Variants in COL13A1 observed in about 807,000 individuals in gnomAD.
COL13A1 encodes collagen alpha-1(XIII) chain.
In COL13A1, 89 loss-of-function variants were observed where a neutral mutation model predicts 130.9. The observed-to-expected ratio is 0.68, with a 90% CI of 0.57 to 0.81. COL13A1 has a LOEUF of 0.81. COL13A1 is among the 30% of genes least tolerant of loss of function. The probability of loss-of-function intolerance (pLI) is 0.00; values close to 1 mark genes in which losing one functional copy is unlikely to be tolerated. For missense variants in COL13A1, 879 were observed against 934.6 expected (o/e 0.94, Z 0.78); for synonymous variants, 402 against 341.6 (o/e 1.18, Z -1.95).
At chr10:69,826,228 C>T (rs954537043) in intron 2 of COL13A1, among the ~76,000 whole-genome samples, 5 of 152,176 alleles carry the variant, frequency 3.3e-5, no homozygotes, top group African/African-American at 1.2e-4. Context: ...CTGGGTGGGG[C>T]TGGCCTGTGT....
chr10:69,810,162 C>G (rs1441143810), intron 1 of COL13A1, among the ~76,000 whole-genome samples: 1 of 152,166 alleles, frequency 6.6e-6, no homozygotes, highest in African/African-American at 2.4e-5. Flanking sequence ...CAGATGTCCT[C>G]AAAGGCTTGC....
chr10:69,949,946 G>GTGTGTGTT (rs2069164772), intron 38 of COL13A1, among the ~76,000 whole-genome samples: 1 of 144,442 alleles, frequency 6.9e-6, no homozygotes, highest in Non-Finnish European at 1.6e-5. Flanking sequence ...GTGTGTGTGT[G>GTGTGTGTT]TGCGTGTGTT....
intron 2 of COL13A1, among the ~76,000 whole-genome samples, chr10:69,836,474 T>C (rs1405931118): frequency 6.6e-6 from 1 of 152,100 alleles, no homozygotes; most frequent in Non-Finnish European, 1.5e-5. Context: ...TGAGAGGCCC[T>C]CCTACCATGC....
chr10:69,957,005 G>A lies in COL13A1; in HGVS notation c.2147G>A (p.Gly716Asp), dbSNP rs1410653353. The stretch of plus-strand genomic sequence containing the variant: ...CTCTGCCTTCCTTTCTCCTTGCAGG[G>A]CGAAGATGGCTTACCAGTCCAAGGC... The part of the protein sequence containing the change: ...APGLDAPCPL[G>D]EDGLPVQGCW... The change falls in exon 40 of 41, where the codon GGC becomes GAC. Residue 716 changes from glycine (G) to aspartate (D), a missense_variant and splice_region_variant. Around this residue, in one of 3 missense-constraint regions of COL13A1, gnomAD observed 68 missense variants for 65.8 expected, o/e 1.03. Transcript: ENST00000645393. 2.5e-6 allele frequency: 4 copies of A among 1,613,728 alleles called. No homozygotes were observed. The highest frequency in any genetic ancestry group is 1.7e-5 in the Admixed American group (1 of 60,016).
chr10:69,829,782 G>A (rs1317695688), intron 2 of COL13A1, among the ~76,000 whole-genome samples: 2 of 152,232 alleles, frequency 1.3e-5, no homozygotes, highest in East Asian at 3.8e-4. Context: ...GGGAGACCAG[G>A]TGCTGCGCGG....
intron 3 of COL13A1, 70 bp from the exon 4 acceptor site, chr10:69,872,114 T>G: frequency 1.8e-4 from 286 of 1,580,030 alleles, no homozygotes; most frequent in Non-Finnish European, 2.2e-4. Context: ...CACAGCTGGT[T>G]GAGACAGTGT....
At position 69,829,208 on chromosome 10, in the gene COL13A1, A is replaced by G. The variant is rs557946472; in HGVS notation, c.364+6770A>G. On this transcript the variant is annotated intron_variant, in intron 2 of 40. Transcript: ENST00000645393. The stretch of plus-strand genomic sequence containing the variant: ...TCATCCCACTCTGTCAATTTCCTCC[A>G]CCTCCACCGTCATCACCCTTGTTCA... The G allele has an allele frequency of 2.3e-4, 229 of 984,290 alleles. 1 individual carries two copies. In the African/African-American group the frequency reaches 3.7e-3, roughly 16 times the overall value. 61.0% of individuals were successfully genotyped at this position (984,290 alleles called of 1,614,324 possible).
At chr10:69,938,609 G>T (rs2067242679) in intron 34 of COL13A1, among the ~76,000 whole-genome samples, 1 of 152,134 alleles carries the variant, frequency 6.6e-6, no homozygotes, top group South Asian at 2.1e-4. Flanking sequence ...TCTGTCCTGG[G>T]CTCAAGGCCA....
Position 69,923,791 on chromosome 10 carries a change from C to T in COL13A1, c.1231-11C>T. 1 of 1,608,382 alleles carries T rather than the reference C, an allele frequency of 6.2e-7. No homozygotes were observed. Among genetic ancestry groups the T allele is most frequent in the South Asian group, 1.1e-5 (1 of 89,272 alleles). ...AGCATGCCCTCATCCCAACTCTCTC[C>T]TCTTCCCCAGGGAGAAGCAGGTGTC... On this transcript the variant is annotated splice_polypyrimidine_tract_variant and intron_variant, in intron 23 of 40. Coordinates refer to ENST00000645393, the MANE Select transcript of COL13A1 (RefSeq NM_001368882.1).
At chr10:69,862,567 C>T (rs1027514755) in intron 2 of COL13A1, among the ~76,000 whole-genome samples, 1 of 152,200 alleles carries the variant, frequency 6.6e-6, no homozygotes, top group African/African-American at 2.4e-5. Context: ...TGCCTTAAAG[C>T]TCACCAGTGT....
Position 69,872,205 on chromosome 10 carries a change from C to T in COL13A1, c.394C>T (p.Leu132Phe). ...GPPGPTGRPG[L>F]PGDKGAIGMP... Reference sequence around the variant, plus strand: ...TCAGGGTCCCACTGGAAGACCCGGACTCCCAGTAAGTCACTTTTGTTTCTT... The same window carrying T: ...TCAGGGTCCCACTGGAAGACCCGGATTCCCAGTAAGTCACTTTTGTTTCTT... Residue 132 changes from leucine to phenylalanine, a missense_variant, in exon 4 of 41, where the codon CTC becomes TTC. Around this residue, in one of 3 missense-constraint regions of COL13A1, gnomAD observed 715 missense variants for 721.0 expected, o/e 0.99. Transcript: ENST00000645393. 3.1e-6 allele frequency: 5 copies of T among 1,614,070 alleles called. No homozygotes were observed. The highest frequency in any genetic ancestry group is 4.2e-6 in the Non-Finnish European group (5 of 1,179,896).
intron 35 of COL13A1, among the ~76,000 whole-genome samples, chr10:69,943,564 C>T (rs768775474): frequency 5.1e-4 from 62 of 121,196 alleles, no homozygotes; most frequent in Non-Finnish European, 7.1e-4. Flanking sequence ...CCCTAATTCA[C>T]CCCCCGATCC....
intron 2 of COL13A1, among the ~76,000 whole-genome samples, chr10:69,856,827 C>T (rs1045039656): frequency 2.0e-5 from 3 of 152,170 alleles, no homozygotes; most frequent in African/African-American, 4.8e-5. Context: ...GGGAGGATCT[C>T]ACTGTTTCTG....
intron 2 of COL13A1, among the ~76,000 whole-genome samples, chr10:69,866,356 A>C (rs1316681438): frequency 6.6e-6 from 1 of 152,160 alleles, no homozygotes; most frequent in African/African-American, 2.4e-5. Context: ...GGCAGGCGCA[A>C]GGCATCTGCC....
At chr10:69,930,161 GC>G in intron 29 of COL13A1, 74 bp downstream of exon 29, 1 of 1,510,424 alleles carries the variant, frequency 6.6e-7, no homozygotes, top group Non-Finnish European at 9.1e-7. Context: ...GGGCAGGAAG[GC>G]TCTAGAATTG....
intron 5 of COL13A1, among the ~76,000 whole-genome samples, chr10:69,876,248 G>A (rs868505383): frequency 3.1e-4 from 47 of 152,130 alleles, no homozygotes; most frequent in African/African-American, 9.4e-4. Context: ...TCCCAAGGTC[G>A]CACAGTCAGG....
At chr10:69,837,704 C>T (rs1004118383) in intron 2 of COL13A1, among the ~76,000 whole-genome samples, 22 of 152,212 alleles carry the variant, frequency 1.4e-4, no homozygotes, top group Non-Finnish European at 2.9e-4. Flanking sequence ...GACCCTCCTG[C>T]TTCATCATCC....
At chr10:69,885,060 G>A (rs981779430) in intron 7 of COL13A1, among the ~76,000 whole-genome samples, 13 of 152,228 alleles carry the variant, frequency 8.5e-5, no homozygotes, top group African/African-American at 3.1e-4. Context: ...AAATTCCAAC[G>A]AGCGAAATAC....
At chr10:69,932,674 C>A in intron 31 of COL13A1, 70 bp downstream of exon 31, 1 of 1,062,892 alleles carries the variant, frequency 9.4e-7, no homozygotes, top group Non-Finnish European at 1.4e-6. Flanking sequence ...TATTTCTGTG[C>A]TTTAGAATGA....
Sources: gnomAD v4.1 joint callset for allele counts (sites outside exome capture counted in the v4.1 genomes callset) on GRCh38, gnomAD v4.1.1 for gene constraint, gnomAD v4.1.1 regional missense constraint, MANE v1.5 for transcripts, NCBI Gene and HGNC (gene_info 2026-07-23, HGNC 2026-07-21) for gene names.